Variants in GREB1 observed in about 807,000 individuals in gnomAD.
GREB1 encodes the protein protein GREB1.
A neutral mutation model predicts 200.7 loss-of-function variants in GREB1; 106 were observed. That is an observed-to-expected ratio of 0.53 (90% CI 0.45 to 0.62). The LOEUF (loss-of-function observed/expected upper bound fraction) is 0.62, where lower values mean the gene tolerates loss of function less well. GREB1 is among the 20% of genes least tolerant of loss of function. The probability of loss-of-function intolerance (pLI) is 0.00; values close to 1 mark genes in which losing one functional copy is unlikely to be tolerated. For missense variants in GREB1, 2,243 were observed against 2,556.8 expected (o/e 0.88, Z 2.65); for synonymous variants, 1,132 against 1,092.4 (o/e 1.04, Z -0.72).
chr2:11,550,088 G>A (rs569900112), intron 1 of GREB1, among the ~76,000 whole-genome samples: 1 of 151,978 alleles, frequency 6.6e-6, no homozygotes, highest in Non-Finnish European at 1.5e-5. Flanking sequence ...GTGAGGTGGC[G>A]GGCGCCTGTA....
intron 1 of GREB1, among the ~76,000 whole-genome samples, chr2:11,497,971 CTTT>C (rs70955803): frequency 4.9e-4 from 20 of 40,608 alleles, no homozygotes; most frequent in African/African-American, 1.2e-3. Flanking sequence ...CAGAGCAAAA[CTTT>C]TTTTTTTTTT....
chr2:11,541,701 A>G (rs554896009), intron 1 of GREB1, among the ~76,000 whole-genome samples: 3 of 152,272 alleles, frequency 2.0e-5, no homozygotes, highest in African/African-American at 7.2e-5. Context: ...ACACAGCCTC[A>G]TCAGCCCTGC....
chr2:11,547,632 G>A (rs1675408510), intron 1 of GREB1, among the ~76,000 whole-genome samples: 1 of 152,012 alleles, frequency 6.6e-6, no homozygotes, highest in Non-Finnish European at 1.5e-5. Flanking sequence ...TAAATTATAA[G>A]CTTTAAAATG....
intron 1 of GREB1, among the ~76,000 whole-genome samples, chr2:11,507,593 C>T (rs866474031): frequency 6.6e-6 from 1 of 152,178 alleles, no homozygotes; most frequent in Non-Finnish European, 1.5e-5. Context: ...AGACCTTGCC[C>T]AGCCCTTGCA....
At chr2:11,583,732 G>A (rs1865573) in intron 7 of GREB1, among the ~76,000 whole-genome samples, 51,044 of 151,856 alleles carry the variant, frequency 0.34, 8,952 homozygotes, top group Admixed American at 0.44. Context: ...GGTGGTGCGC[G>A]CTTGTAATCC....
chr2:11,482,930 G>A (rs1351316376), intron 1 of GREB1, among the ~76,000 whole-genome samples: 1 of 151,226 alleles, frequency 6.6e-6, no homozygotes, highest in Non-Finnish European at 1.5e-5. Flanking sequence ...GCTCAGGAGC[G>A]GGGCCGCGGC....
In GREB1 at chr2:11,597,123, G is replaced by A. The variant is rs1005484177; in HGVS notation, c.1955-658G>A. Among the ~76,000 whole-genome samples, 1 of 152,048 alleles carries A rather than the reference G, an allele frequency of 6.6e-6. No individual in the cohort carries two copies. Among genetic ancestry groups the A allele is most frequent in the Admixed American group, 6.5e-5 (1 of 15,274 alleles). On this transcript the variant is annotated intron_variant, in intron 13 of 32. Transcript: ENST00000381486. The surrounding 1 kb of genome is among the most constrained non-coding windows in gnomAD (Gnocchi z 4.1). The stretch of plus-strand genomic sequence containing the variant: ...GAGGGCTCATGTGTGCTCGGTGGGC[G>A]ATGAGAGGGCACTGGCGAGGGCCTC...
At chr2:11,498,040 G>C (rs1312714369) in intron 1 of GREB1, among the ~76,000 whole-genome samples, 1 of 124,172 alleles carries the variant, frequency 8.1e-6, no homozygotes, top group East Asian at 2.4e-4. Flanking sequence ...GTGTCACCCA[G>C]GCTGGAATGC....
intron 1 of GREB1, among the ~76,000 whole-genome samples, chr2:11,501,824 G>T (rs564545598): frequency 6.9e-6 from 1 of 145,104 alleles, no homozygotes; most frequent in Non-Finnish European, 1.5e-5. Context: ...TTCAAGTATC[G>T]TACTCAGAGT....
chr2:11,554,352 A>G (rs2147855636), intron 1 of GREB1, among the ~76,000 whole-genome samples: 1 of 152,326 alleles, frequency 6.6e-6, no homozygotes, highest in East Asian at 1.9e-4. Context: ...TTGGAAGAGG[A>G]AAGGCTGAAT....
At chr2:11,567,325 A>G (rs1285118393) in intron 4 of GREB1, among the ~76,000 whole-genome samples, 1 of 152,104 alleles carries the variant, frequency 6.6e-6, no homozygotes, top group Non-Finnish European at 1.5e-5. Flanking sequence ...GGGTTTCACC[A>G]TGTTGGCCAG....
At chr2:11,578,873 G>C (rs896448450) in intron 6 of GREB1, among the ~76,000 whole-genome samples, 3 of 152,256 alleles carry the variant, frequency 2.0e-5, no homozygotes, top group Non-Finnish European at 4.4e-5. Flanking sequence ...GCAGGCGTCA[G>C]TTTCCACATT....
In GREB1 at chr2:11,593,950, A is replaced by G. The variant is rs549838648; in HGVS notation, c.1696+824A>G. On this transcript the variant is annotated intron_variant, in intron 11 of 32. Transcript: ENST00000381486. Reference sequence around the variant, plus strand: ...GCTTAAATCTTCACAAGTGTTGTGCATTTTCAGCCAGAATTTTTTGTACCT... The same window carrying G: ...GCTTAAATCTTCACAAGTGTTGTGCGTTTTCAGCCAGAATTTTTTGTACCT... 5.9e-5 allele frequency among the ~76,000 whole-genome samples: 9 copies of G among 152,214 alleles called. No individual in the cohort carries two copies. The South Asian group carries it at 1.9e-3, about 32-fold the overall frequency.
At chr2:11,524,485 G>C (rs1673807466) in intron 1 of GREB1, among the ~76,000 whole-genome samples, 1 of 152,212 alleles carries the variant, frequency 6.6e-6, no homozygotes, top group Non-Finnish European at 1.5e-5. Context: ...GGAAATCTGT[G>C]TGCCATACTT....
chr2:11,637,808 G>A lies in GREB1; in HGVS notation c.5439G>A (p.Leu1813=). 1 of 1,614,196 alleles carries A rather than the reference G, an allele frequency of 6.2e-7. No homozygotes were observed. Among genetic ancestry groups the A allele is most frequent in the Non-Finnish European group, 8.5e-7 (1 of 1,180,042 alleles). ...HTFLAAPAQL[L]LEKFLQHHSH... is the part of the protein sequence containing the mutation. Reference sequence around the variant, plus strand: ...TCCTCGCAGCGCCCGCCCAGCTCCTGCTGGAGAAGTTCCTGCAGCACCACA... The same window carrying A: ...TCCTCGCAGCGCCCGCCCAGCTCCTACTGGAGAAGTTCCTGCAGCACCACA... The change falls in exon 31 of 33, where the codon CTG becomes CTA. Residue 1813 remains leucine (L), a synonymous_variant. Coordinates refer to ENST00000381486, the MANE Select transcript of GREB1 (RefSeq NM_014668.4).
chr2:11,514,417 A>G (rs1402158802), intron 1 of GREB1, among the ~76,000 whole-genome samples: 2 of 152,180 alleles, frequency 1.3e-5, no homozygotes, highest in Admixed American at 1.3e-4. Context: ...CCTTTTCACT[A>G]CACCCCTTTG....
At chr2:11,636,737 AGGGCAT>A (rs146748168) in intron 30 of GREB1, among the ~76,000 whole-genome samples, 34,386 of 139,876 alleles carry the variant, frequency 0.25, 4,306 homozygotes, top group East Asian at 0.41. Flanking sequence ...GGCAGGGGTA[AGGGCAT>A]GGGCATGGGC....
At chr2:11,576,588 C>A in intron 5 of GREB1, 53 bp downstream of exon 5, 2 of 1,421,012 alleles carry the variant, frequency 1.4e-6, no homozygotes, top group Non-Finnish European at 2.0e-6. Context: ...CCCAAGTGGG[C>A]CGTGGTGCCT....
chr2:11,617,181 C>T (rs1683483051), intron 21 of GREB1, among the ~76,000 whole-genome samples: 1 of 152,258 alleles, frequency 6.6e-6, no homozygotes, highest in African/African-American at 2.4e-5. Flanking sequence ...CGCGTAGCCA[C>T]AGCCACAGCG....
Sources: allele counts gnomAD v4.1 joint callset (sites outside exome capture counted in the v4.1 genomes callset), GRCh38; gene constraint gnomAD v4.1.1; non-coding constraint Gnocchi (gnomAD v3.1); transcripts MANE v1.5; gene names NCBI Gene and HGNC (gene_info 2026-07-23, HGNC 2026-07-21).